The following TTC13 variants were observed in gnomAD, a reference collection of about 807,000 sequenced individuals.
The protein encoded by TTC13 is tetratricopeptide repeat domain 13.
A neutral mutation model predicts 120.0 loss-of-function variants in TTC13; 62 were observed. That is an observed-to-expected ratio of 0.52 (90% CI 0.42 to 0.64). TTC13 has a LOEUF of 0.64. Among genes scored for constraint, TTC13 ranks in the 30% least tolerant of loss-of-function variants. TTC13 has a pLI of 0.00. For missense variants in TTC13, 824 were observed against 1,050.2 expected (o/e 0.78, Z 2.98); for synonymous variants, 384 against 393.5 (o/e 0.98, Z 0.28).
At chr1:230,924,524 G>A (rs985802680) in intron 14 of TTC13, among the ~76,000 whole-genome samples, 3 of 152,144 alleles carry the variant, frequency 2.0e-5, no homozygotes, top group African/African-American at 4.8e-5. Flanking sequence ...AGCAGAGACG[G>A]GGTTTCACCG....
Position 230,926,905 on chromosome 1 carries a change from G to A in TTC13, c.1458-1258C>T, listed in dbSNP as rs546422830. On this transcript the variant is annotated intron_variant, in intron 12 of 22. Transcript: ENST00000366661. ...CTTGAAATGTGTGCTCCTGACTCAC[G>A]TACCTTTTTAAAAACTAGGTTTGTT... is the stretch of plus-strand genomic sequence containing the variant. Among the ~76,000 whole-genome samples the A allele has an allele frequency of 3.3e-5, 5 of 152,122 alleles. No individual in the cohort carries two copies. In the South Asian group the frequency reaches 6.2e-4, roughly 19 times the overall value.
chr1:230,915,472 T>C (rs551279139), intron 18 of TTC13, among the ~76,000 whole-genome samples: 59 of 152,252 alleles, frequency 3.9e-4, no homozygotes, highest in African/African-American at 1.3e-3. Context: ...TTAATAAAAA[T>C]GTTTACTGCA....
intron 18 of TTC13, among the ~76,000 whole-genome samples, chr1:230,914,746 AAATAT>A (rs1446554018): frequency 1.3e-5 from 2 of 152,128 alleles, no homozygotes; most frequent in Non-Finnish European, 1.5e-5. Context: ...TAAGAATACA[AAATAT>A]AATATATATA....
chr1:230,934,309 A>T (rs902171227), intron 8 of TTC13, among the ~76,000 whole-genome samples: 2 of 152,320 alleles, frequency 1.3e-5, no homozygotes, highest in African/African-American at 4.8e-5. Flanking sequence ...AGAAAGCCCA[A>T]TGTGAAACTG....
chr1:230,957,043 G>A (rs968881020), intron 3 of TTC13, among the ~76,000 whole-genome samples: 4 of 152,100 alleles, frequency 2.6e-5, no homozygotes, highest in African/African-American at 7.2e-5. Flanking sequence ...GGCATATCAG[G>A]CTCTGAACTC....
chr1:230,908,465 C>T (rs1487522160), intron 22 of TTC13: 2 of 532,664 alleles, frequency 3.8e-6, no homozygotes, highest in East Asian at 4.0e-5. Flanking sequence ...GCTGGGATTA[C>T]AGGTATGAGC....
chr1:230,935,268 G>A (rs1278647742), intron 8 of TTC13, among the ~76,000 whole-genome samples: 2 of 152,162 alleles, frequency 1.3e-5, no homozygotes, highest in Non-Finnish European at 2.9e-5. Context: ...GGGAAGGCAA[G>A]GATGAGCCAG....
chr1:230,941,995 A>G (rs998506916), intron 6 of TTC13, among the ~76,000 whole-genome samples: 1 of 152,250 alleles, frequency 6.6e-6, no homozygotes, highest in African/African-American at 2.4e-5. Context: ...ATGGTATGTT[A>G]TAATTTAGCC....
intron 15 of TTC13, among the ~76,000 whole-genome samples, chr1:230,923,301 A>G (rs1242783731): frequency 6.6e-6 from 1 of 152,150 alleles, no homozygotes; most frequent in South Asian, 2.1e-4. Flanking sequence ...CATGTCCCCA[A>G]CTAGCAGAGC....
At chr1:230,911,444 A>G in intron 20 of TTC13, 26 bp downstream of exon 20, 1 of 1,494,894 alleles carries the variant, frequency 6.7e-7, no homozygotes, top group Non-Finnish European at 9.1e-7. Context: ...AATTTAAAAT[A>G]ATTTTAATGA....
Position 230,978,843 on chromosome 1 carries a change from C to T in TTC13, c.-13G>A, listed in dbSNP as rs1278147175. 23 of 1,463,140 alleles carry T rather than the reference C, an allele frequency of 1.6e-5. 2 individuals are homozygous for T. Among genetic ancestry groups the T allele is most frequent in the Middle Eastern group, 2.5e-4 (1 of 4,076 alleles). The allele number at this position is 1,463,140 out of a possible 1,614,324, so 90.6% of individuals were successfully genotyped here. A position where few individuals can be genotyped will look rare whatever the true frequency, so the allele number is the denominator to read the frequency against. On this transcript the variant is annotated 5_prime_UTR_variant, in exon 1 of 23. Coordinates refer to ENST00000366661, the MANE Select transcript of TTC13 (RefSeq NM_024525.5). This position sits in a 1 kb window ranked among gnomAD's most constrained non-coding sequence, Gnocchi z 5.6. ...CGGCAGGTGCCATCTTCCCTCAAGG[C>T]GCATGCGCGACAGCCCTTGCCCGGC...
chr1:230,920,225 A>G (rs1323571750), intron 17 of TTC13: 1 of 235,690 alleles, frequency 4.2e-6, no homozygotes, highest in Non-Finnish European at 8.3e-6. Flanking sequence ...AACTGCAATC[A>G]TGTAGAAGGG....
intron 12 of TTC13, among the ~76,000 whole-genome samples, chr1:230,928,448 C>T (rs1673240393): frequency 6.6e-6 from 1 of 152,114 alleles, no homozygotes. Flanking sequence ...AAACAATGAG[C>T]TTGCTAAACT....
intron 18 of TTC13, among the ~76,000 whole-genome samples, chr1:230,913,729 A>T (rs971177270): frequency 6.6e-6 from 1 of 152,236 alleles, no homozygotes; most frequent in African/African-American, 2.4e-5. Flanking sequence ...TGGACAACAT[A>T]GAGAAAAGCA....
rs73107817 is a variant in TTC13, at chr1:230,912,197, A to C, written c.2229+426T>G. On this transcript the variant is annotated intron_variant, in intron 19 of 22. Coordinates refer to ENST00000366661, the MANE Select transcript of TTC13 (RefSeq NM_024525.5). Reference sequence around the variant, plus strand: ...AGACCAGGAAAGGGCCGCCAAGTGCAAAGTATACACAACTTCATTATACTT... The same window carrying C: ...AGACCAGGAAAGGGCCGCCAAGTGCCAAGTATACACAACTTCATTATACTT... Among the ~76,000 whole-genome samples, 845 of 152,304 alleles carry C rather than the reference A, an allele frequency of 5.5e-3. 9 individuals are homozygous for C. The highest frequency in any genetic ancestry group is 0.019 in the African/African-American group (809 of 41,576).
intron 1 of TTC13, among the ~76,000 whole-genome samples, chr1:230,964,076 AT>A (rs1676900890): frequency 6.6e-6 from 1 of 152,210 alleles, no homozygotes; most frequent in Non-Finnish European, 1.5e-5. Context: ...AGCAATGTGT[AT>A]ACCTGGCCTT....
chr1:230,921,315 C>A, intron 16 of TTC13, 106 bp downstream of exon 16: 1 of 641,822 alleles, frequency 1.6e-6, no homozygotes, highest in East Asian at 3.2e-5. Flanking sequence ...TTTGATAGAC[C>A]TTGTTTAGCC....
intron 3 of TTC13, 132 bp downstream of exon 3, chr1:230,958,092 T>C (rs1230653053): frequency 5.4e-6 from 4 of 747,510 alleles, no homozygotes; most frequent in Non-Finnish European, 8.5e-6. Context: ...GGCTGAATGC[T>C]CCATGCAAGA....
chr1:230,909,378 C>A (rs1214256540), intron 20 of TTC13, among the ~76,000 whole-genome samples: 1 of 152,134 alleles, frequency 6.6e-6, no homozygotes, highest in Non-Finnish European at 1.5e-5. Flanking sequence ...CACCTGTAAT[C>A]CCAGCACTTT....
Sources: gnomAD v4.1 joint callset for allele counts (sites outside exome capture counted in the v4.1 genomes callset) on GRCh38, gnomAD v4.1.1 for gene constraint, Gnocchi (gnomAD v3.1) non-coding constraint, MANE v1.5 for transcripts, NCBI Gene and HGNC (gene_info 2026-07-23, HGNC 2026-07-21) for gene names.